GPHN: variants seen among roughly 807,000 people sequenced by gnomAD.
GPHN encodes the protein gephyrin.
Under a neutral mutation model 95.5 loss-of-function variants are expected in GPHN, and 17 were observed. That is an observed-to-expected ratio of 0.18 (90% CI 0.12 to 0.27). The LOEUF (loss-of-function observed/expected upper bound fraction) is 0.27, where lower values mean the gene tolerates loss of function less well. GPHN is among the 10% of genes least tolerant of loss of function. GPHN has a pLI of 1.00. For synonymous variants in GPHN, 320 were observed against 322.5 expected, an observed-to-expected ratio of 0.99 and a Z score of 0.08; for missense variants, 660 against 978.1, an observed-to-expected ratio of 0.67 and a Z score of 4.34.
At chr14:67,148,864 C>A (rs2081067823) in intron 18 of GPHN, among the ~76,000 whole-genome samples, 1 of 151,790 alleles carries the variant, frequency 6.6e-6, no homozygotes, top group African/African-American at 2.4e-5. Context: ...CCGCGCCCGG[C>A]CAGTTTGCCT....
intron 1 of GPHN, among the ~76,000 whole-genome samples, chr14:66,616,721 T>A (rs1353749702): frequency 6.6e-6 from 1 of 152,052 alleles, no homozygotes; most frequent in Non-Finnish European, 1.5e-5. Flanking sequence ...CCCCTTTTTT[T>A]TTTAGACGGA....
chr14:66,972,281 A>AG (rs1165373427), intron 9 of GPHN, among the ~76,000 whole-genome samples: 14 of 127,224 alleles, frequency 1.1e-4, no homozygotes, highest in Non-Finnish European at 2.1e-4. Context: ...AAAAAAAAAA[A>AG]AAAGAAAGAA....
intron 1 of GPHN, among the ~76,000 whole-genome samples, chr14:66,587,252 T>C (rs1422676254): frequency 6.6e-6 from 1 of 152,216 alleles, no homozygotes; most frequent in Non-Finnish European, 1.5e-5. Context: ...ATAGCTCTTA[T>C]GTGAAAAAGT....
intron 1 of GPHN, among the ~76,000 whole-genome samples, chr14:66,531,839 AT>A (rs2058953459): frequency 6.6e-6 from 1 of 152,242 alleles, no homozygotes; most frequent in African/African-American, 2.4e-5. Flanking sequence ...CAAGTACTGT[AT>A]GACAGGGTTT....
At chr14:67,556,722 T>C in the GPHN span, among the ~76,000 whole-genome samples, 1 of 152,204 alleles carries the variant, frequency 6.6e-6, no homozygotes, top group African/African-American at 2.4e-5. Context: ...ATCTTATCTG[T>C]TTTAAAAAAA....
the GPHN span, chr14:67,592,771 C>A: frequency 9.4e-7 from 1 of 1,065,266 alleles, no homozygotes; most frequent in Non-Finnish European, 1.4e-6. Context: ...ATTTTGCATT[C>A]TTTTTTTCTT....
chr14:66,781,722 C>G (rs986288957), intron 3 of GPHN, among the ~76,000 whole-genome samples: 1 of 152,044 alleles, frequency 6.6e-6, no homozygotes, highest in Non-Finnish European at 1.5e-5. Flanking sequence ...TAACTAAGGT[C>G]TTTGTTTAAT....
In GPHN at chr14:67,113,027, C is replaced by G; in HGVS notation, c.1482C>G (p.Gly494=). The G allele has an allele frequency of 6.2e-7, 1 of 1,613,738 alleles. No individual in the cohort carries two copies. Among genetic ancestry groups the G allele is most frequent in the Non-Finnish European group, 8.5e-7 (1 of 1,179,722 alleles). The change falls in exon 16 of 23, where the codon GGC becomes GGG. Residue 494 remains glycine, a synonymous_variant. Transcript: ENST00000478722. ...CTGCTTTGACTTTCAGACCCATCGGCCATGACATTAAAAGAGGGGAATGTG... is the reference window on the plus strand; with the variant it reads ...CTGCTTTGACTTTCAGACCCATCGGGCATGACATTAAAAGAGGGGAATGTG... ...ARPGQDIRPI[G]HDIKRGECVL...
At chr14:66,718,827 G>A (rs543102291) in intron 2 of GPHN, among the ~76,000 whole-genome samples, 1 of 152,198 alleles carries the variant, frequency 6.6e-6, no homozygotes, top group African/African-American at 2.4e-5. Context: ...ACCATCAGGT[G>A]GGGGCAGGGC....
At chr14:67,058,434 G>A (rs1474131120) in intron 10 of GPHN, among the ~76,000 whole-genome samples, 1 of 152,212 alleles carries the variant, frequency 6.6e-6, no homozygotes, top group Non-Finnish European at 1.5e-5. Flanking sequence ...CATGTCTGGA[G>A]CAGCCACTGG....
At chr14:66,652,279 G>A (rs1276383794) in intron 1 of GPHN, among the ~76,000 whole-genome samples, 8 of 152,068 alleles carry the variant, frequency 5.3e-5, no homozygotes, top group Non-Finnish European at 1.2e-4. Context: ...CTATTGATAA[G>A]CATTGATGCA....
At chr14:67,114,472 A>G (rs184906669) in intron 16 of GPHN, among the ~76,000 whole-genome samples, 9 of 152,214 alleles carry the variant, frequency 5.9e-5, no homozygotes, top group East Asian at 1.9e-4. Context: ...AGGGGGATCA[A>G]TTGAGGCTAG....
rs532441768 is a variant in GPHN, at chr14:67,133,842, A to G, written c.1749-9520A>G. 8.5e-5 allele frequency among the ~76,000 whole-genome samples: 13 copies of G among 152,276 alleles called. No homozygotes were observed. The East Asian group carries it at 2.1e-3, about 25-fold the overall frequency. On this transcript the variant is annotated intron_variant, in intron 17 of 22. Coordinates refer to ENST00000478722, the MANE Select transcript of GPHN (RefSeq NM_020806.5). ...AACTTAGAACTCTACAGAGAGTGCT[A>G]TTAATATTGGTAGCCATCTTCCAAG...
intron 3 of GPHN, among the ~76,000 whole-genome samples, chr14:66,809,045 G>C (rs56281120): frequency 0.022 from 3,308 of 152,250 alleles, 128 homozygotes; most frequent in African/African-American, 0.074. Flanking sequence ...AGTTAGGTTG[G>C]AGTCACATTT....
chr14:67,122,212 A>G (rs772917462), intron 16 of GPHN, 44 bp from the exon 17 acceptor site: 2 of 1,603,910 alleles, frequency 1.2e-6, no homozygotes, highest in Admixed American at 1.7e-5. Flanking sequence ...AATATGCAAC[A>G]TTAACCTAAT....
At chr14:66,618,886 C>T (rs1023489474) in intron 1 of GPHN, among the ~76,000 whole-genome samples, 1 of 152,158 alleles carries the variant, frequency 6.6e-6, no homozygotes, top group African/African-American at 2.4e-5. Context: ...AGTTTCCCCT[C>T]AATTTTTTTG....
chr14:67,078,896 C>G (rs889357025), intron 11 of GPHN, among the ~76,000 whole-genome samples: 2 of 151,866 alleles, frequency 1.3e-5, no homozygotes, highest in Non-Finnish European at 2.9e-5. Flanking sequence ...CAGACCAAAA[C>G]TTGAGGTCAT....
chr14:67,140,457 T>G (rs761139481), intron 17 of GPHN, among the ~76,000 whole-genome samples: 1 of 152,048 alleles, frequency 6.6e-6, no homozygotes, highest in Non-Finnish European at 1.5e-5. Context: ...CTCCAGAACC[T>G]TTATCCCCCT....
chr14:66,509,804 G>C (rs1221132149), intron 1 of GPHN, among the ~76,000 whole-genome samples: 1 of 152,012 alleles, frequency 6.6e-6, no homozygotes, highest in Non-Finnish European at 1.5e-5. Context: ...GACGGTGCTC[G>C]AGAAGGGACT....
Sources: gnomAD v4.1 joint callset for allele counts (sites outside exome capture counted in the v4.1 genomes callset) on GRCh38, gnomAD v4.1.1 for gene constraint, MANE v1.5 for transcripts, NCBI Gene and HGNC (gene_info 2026-07-23, HGNC 2026-07-21) for gene names.